SORD: variants seen among roughly 807,000 people sequenced by gnomAD.
The protein encoded by SORD is (R,R)-butanediol dehydrogenase.
A neutral mutation model predicts 35.6 loss-of-function variants in SORD; 18 were observed. The observed-to-expected ratio is 0.51, with a 90% CI of 0.35 to 0.75. The LOEUF is 0.75. Among genes scored for constraint, SORD ranks in the 30% least tolerant of loss-of-function variants. The probability of loss-of-function intolerance (pLI) is 0.01; values close to 1 mark genes in which losing one functional copy is unlikely to be tolerated. For missense variants in SORD, 250 were observed against 390.2 expected (o/e 0.64, Z 3.03); for synonymous variants, 106 against 152.9 (o/e 0.69, Z 2.26).
chr15:45,064,425 T>G (rs1893372976), intron 4 of SORD, among the ~76,000 whole-genome samples: 1 of 152,250 alleles, frequency 6.6e-6, no homozygotes, highest in Non-Finnish European at 1.5e-5. Flanking sequence ...AGATAATGGA[T>G]GAGCGTGCTT....
At chr15:45,041,982 TACTCTTC>T (rs1397189839) in intron 2 of SORD, among the ~76,000 whole-genome samples, 1 of 152,206 alleles carries the variant, frequency 6.6e-6, no homozygotes, top group Non-Finnish European at 1.5e-5. Context: ...TGCCATTTCT[TACTCTTC>T]ACTAAAACTA....
At chr15:45,025,979 G>A (rs1056182162) in intron 1 of SORD, among the ~76,000 whole-genome samples, 3 of 152,178 alleles carry the variant, frequency 2.0e-5, no homozygotes, top group African/African-American at 7.2e-5. Context: ...AGAGTGAGAA[G>A]GAAAGAAGAG....
intron 3 of SORD, among the ~76,000 whole-genome samples, chr15:45,059,170 C>T (rs1012106240): frequency 3.9e-5 from 6 of 152,032 alleles, no homozygotes; most frequent in Non-Finnish European, 8.8e-5. Context: ...AGAATTTCAC[C>T]GAGGACCTGC....
intron 4 of SORD, among the ~76,000 whole-genome samples, chr15:45,062,345 G>A (rs1277817410): frequency 2.6e-5 from 4 of 152,242 alleles, no homozygotes; most frequent in Non-Finnish European, 5.9e-5. Flanking sequence ...TGAGTCTGGA[G>A]GAAGCAAAGT....
At chr15:45,039,190 A>G (rs1490534320) in intron 1 of SORD, among the ~76,000 whole-genome samples, 1 of 151,624 alleles carries the variant, frequency 6.6e-6, no homozygotes, top group African/African-American at 2.4e-5. Flanking sequence ...GTGCACTGGC[A>G]CAATCTGGGC....
chr15:45,062,375 C>T (rs1893331319), intron 4 of SORD, among the ~76,000 whole-genome samples: 1 of 152,192 alleles, frequency 6.6e-6, no homozygotes, highest in African/African-American at 2.4e-5. Flanking sequence ...TCTGCGTGGC[C>T]CCCCATGGCC....
chr15:45,029,753 A>G (rs1892741918), intron 1 of SORD, among the ~76,000 whole-genome samples: 3 of 152,250 alleles, frequency 2.0e-5, no homozygotes, highest in Admixed American at 2.0e-4. Context: ...AGGATGGTGA[A>G]GGTGGAGAAT....
chr15:45,054,802 C>T (rs1387468032), intron 3 of SORD, among the ~76,000 whole-genome samples: 3 of 150,512 alleles, frequency 2.0e-5, no homozygotes, highest in African/African-American at 7.3e-5. Context: ...GTCTTTAATC[C>T]ATCTTGAATT....
At chr15:45,031,567 T>C (rs1892787179) in intron 1 of SORD, among the ~76,000 whole-genome samples, 1 of 152,272 alleles carries the variant, frequency 6.6e-6, no homozygotes, top group Non-Finnish European at 1.5e-5. Context: ...ATACCCTGCA[T>C]AGGAATGTCC....
intron 3 of SORD, among the ~76,000 whole-genome samples, chr15:45,047,809 A>C (rs1893068253): frequency 6.6e-6 from 1 of 151,720 alleles, no homozygotes; most frequent in Non-Finnish European, 1.5e-5. Context: ...AGAAGGGGAG[A>C]TTTCTGCTGT....
intron 7 of SORD, among the ~76,000 whole-genome samples, chr15:45,071,038 A>C (rs1893504444): frequency 6.6e-6 from 1 of 152,242 alleles, no homozygotes. Flanking sequence ...GGCTGGACCA[A>C]ATATGGACAA....
intron 3 of SORD, 51 bp from the exon 4 acceptor site, chr15:45,061,016 A>G (rs1595506003): frequency 6.2e-7 from 1 of 1,612,204 alleles, no homozygotes; most frequent in Admixed American, 1.7e-5. Flanking sequence ...AAGAGCGGGC[A>G]GACTCTGCTC....
chr15:45,047,976 C>T (rs1332894023), intron 3 of SORD, among the ~76,000 whole-genome samples: 1 of 152,186 alleles, frequency 6.6e-6, no homozygotes, highest in African/African-American at 2.4e-5. Context: ...TTAAAATCCC[C>T]TGTAAATCTG....
At chr15:45,034,314 T>C (rs560197392) in intron 1 of SORD, among the ~76,000 whole-genome samples, 10 of 152,098 alleles carry the variant, frequency 6.6e-5, no homozygotes, top group Non-Finnish European at 1.5e-4. Flanking sequence ...CTGAGTTCAC[T>C]GTGCCACTCA....
intron 4 of SORD, among the ~76,000 whole-genome samples, chr15:45,064,385 G>C (rs1024048281): frequency 6.6e-6 from 1 of 152,120 alleles, no homozygotes; most frequent in East Asian, 1.9e-4. Context: ...TGCCCTACCT[G>C]CCTAACATGG....
rs548505076 is a variant in SORD, at chr15:45,061,083, C to T, written c.282C>T (p.Ile94=). The change falls in exon 4 of 9, where the codon ATC becomes ATT. Residue 94 remains isoleucine (I), a synonymous_variant. Transcript: ENST00000267814. ...CCTCTCCAGGTGATCGTGTTGCCAT[C>T]GAGCCTGGTGCTCCCCGAGAAAATG... The part of the protein sequence containing the change: ...KHLKPGDRVA[I]EPGAPRENDE... The T allele has an allele frequency of 2.7e-5, 44 of 1,614,140 alleles. No homozygotes were observed. The highest frequency in any genetic ancestry group is 4.4e-5 in the South Asian group (4 of 91,080).
intron 3 of SORD, among the ~76,000 whole-genome samples, chr15:45,055,230 C>T (rs1595503935): frequency 6.6e-6 from 1 of 151,998 alleles, no homozygotes; most frequent in African/African-American, 2.4e-5. Flanking sequence ...TATAAATTAC[C>T]TTGGGCAGTG....
At position 45,068,448 on chromosome 15, in the gene SORD, A is replaced by AGAGT. The variant is rs1459581098; in HGVS notation, c.610+203_610+204insAGTG. 8.7e-3 allele frequency among the ~76,000 whole-genome samples: 1,014 copies of AGAGT among 116,146 alleles called. 12 individuals carry two copies. Among genetic ancestry groups the AGAGT allele is most frequent in the African/African-American group, 0.028 (979 of 34,438 alleles). 76.2% of individuals were successfully genotyped at this position (116,146 alleles called of 152,430 possible). A position where few individuals can be genotyped will look rare whatever the true frequency, so the allele number is the denominator to read the frequency against. On this transcript the variant is annotated intron_variant, in intron 6 of 8. Coordinates refer to ENST00000267814, the MANE Select transcript of SORD (RefSeq NM_003104.6). ...GAGAGAGAGAGAGTTTGTGTGAGAGAGTGTGTGTGTGTGTGTCTGTGTGTA... is the reference window on the plus strand; with the variant it reads ...GAGAGAGAGAGAGTTTGTGTGAGAGAGAGTGTGTGTGTGTGTGTGTCTGTGTGTA...
At chr15:45,048,754 A>C (rs1893083881) in intron 3 of SORD, among the ~76,000 whole-genome samples, 1 of 152,160 alleles carries the variant, frequency 6.6e-6, no homozygotes, top group Non-Finnish European at 1.5e-5. Context: ...TTAATAAGTG[A>C]AAGAAGAAAG....
Sources: allele counts gnomAD v4.1 joint callset (sites outside exome capture counted in the v4.1 genomes callset), GRCh38; gene constraint gnomAD v4.1.1; transcripts MANE v1.5; gene names NCBI Gene and HGNC (gene_info 2026-07-23, HGNC 2026-07-21).